The following SH2D1B variants were observed in gnomAD, a reference collection of about 807,000 sequenced individuals.
SH2D1B encodes SH2 domain-containing protein 1B.
Under a neutral mutation model 16.3 loss-of-function variants are expected in SH2D1B, and 11 were observed. The ratio of observed to expected loss-of-function variants is 0.67; its 90% confidence interval spans 0.42 to 1.11. The LOEUF (loss-of-function observed/expected upper bound fraction) is 1.11. Ranked by LOEUF, SH2D1B falls within the 50% of genes most tolerant of loss-of-function variation. The pLI is 0.00. For missense variants in SH2D1B, 123 were observed against 153.1 expected (o/e 0.80, Z 1.04); for synonymous variants, 55 against 56.1 (o/e 0.98, Z 0.09).
At chr1:162,400,444 C>T (rs1269115513) in intron 2 of SH2D1B, among the ~76,000 whole-genome samples, 3 of 144,426 alleles carry the variant, frequency 2.1e-5, no homozygotes, top group Non-Finnish European at 4.5e-5. Flanking sequence ...AGCACCATCA[C>T]CATACCTGGC....
Position 162,411,953 on chromosome 1 carries a change from C to T in SH2D1B, c.64G>A (p.Glu22Lys). The T allele has an allele frequency of 1.2e-6, 2 of 1,614,144 alleles. No homozygotes were observed. Among genetic ancestry groups the T allele is most frequent in the Non-Finnish European group, 8.5e-7 (1 of 1,180,026 alleles). The part of the protein sequence containing the change: ...KQDCETLLLK[E>K]GVDGNFLLRD... The stretch of plus-strand genomic sequence containing the variant: ...AAAAGAAAGTTGCCATCCACCCCTT[C>T]CTTGAGCAGCAAGGTCTCACAGTCT... The change falls in exon 1 of 4, where the codon GAA (glutamate) becomes AAA (lysine). Residue 22 changes from glutamate to lysine, a missense_variant. By Grantham distance (56) the Glu-to-Lys change is moderately conservative (BLOSUM62 1). Coordinates refer to ENST00000367929, the MANE Select transcript of SH2D1B (RefSeq NM_053282.5).
intron 1 of SH2D1B, among the ~76,000 whole-genome samples, chr1:162,404,344 T>A (rs541709062): frequency 1.6e-4 from 25 of 152,012 alleles, no homozygotes; most frequent in African/African-American, 5.1e-4. Flanking sequence ...TCAAAAAAAA[T>A]AAAATAAAAT....
chr1:162,402,653 A>C, intron 2 of SH2D1B, 86 bp downstream of exon 2: 1 of 1,114,116 alleles, frequency 9.0e-7, no homozygotes, highest in Non-Finnish European at 1.4e-6. Flanking sequence ...GCTTTCGCAC[A>C]GTCATGGCTC....
chr1:162,404,763 A>T (rs949049553), intron 1 of SH2D1B, among the ~76,000 whole-genome samples: 1 of 152,260 alleles, frequency 6.6e-6, no homozygotes, highest in African/African-American at 2.4e-5. Context: ...CTACACACTT[A>T]TTAATACAGT....
intron 2 of SH2D1B, among the ~76,000 whole-genome samples, chr1:162,401,564 C>A (rs1487643056): frequency 6.6e-6 from 1 of 151,986 alleles, no homozygotes; most frequent in Non-Finnish European, 1.5e-5. Context: ...GACATAATAT[C>A]CCTTTAAATA....
At chr1:162,403,944 GA>G (rs913403814) in intron 1 of SH2D1B, among the ~76,000 whole-genome samples, 5 of 152,256 alleles carry the variant, frequency 3.3e-5, no homozygotes, top group African/African-American at 9.6e-5. Flanking sequence ...TTGTCAGTGA[GA>G]GGGGGAGGAT....
rs1281724767 is a variant in SH2D1B, at chr1:162,411,912, C to T, written c.105G>A (p.Ser35=). The T allele has an allele frequency of 2.5e-6, 4 of 1,614,036 alleles. No individual in the cohort carries two copies. Among genetic ancestry groups the T allele is most frequent in the East Asian group, 2.2e-5 (1 of 44,900 alleles). The part of the protein sequence containing the change: ...DGNFLLRDSE[S]IPGVLCLCVS... ...CACAGAGGCACAGGACTCCTGGTAT[C>T]GACTCGCTGTCTCTTAAAAGAAAGT... Residue 35 remains serine, a synonymous_variant, in exon 1 of 4, where the codon TCG becomes TCA. Coordinates refer to ENST00000367929, the MANE Select transcript of SH2D1B (RefSeq NM_053282.5).
At chr1:162,408,306 G>C (rs1159485056) in intron 1 of SH2D1B, among the ~76,000 whole-genome samples, 1 of 152,114 alleles carries the variant, frequency 6.6e-6, no homozygotes, top group African/African-American at 2.4e-5. Flanking sequence ...TCAGTGACAT[G>C]TGTAGGGAGG....
chr1:162,400,933 A>T (rs1648504427), intron 2 of SH2D1B, among the ~76,000 whole-genome samples: 2 of 152,136 alleles, frequency 1.3e-5, no homozygotes, highest in Admixed American at 1.3e-4. Context: ...GGGTGACAGC[A>T]AGACTCTGTC....
chr1:162,408,090 C>G (rs982879169), intron 1 of SH2D1B, among the ~76,000 whole-genome samples: 3 of 152,190 alleles, frequency 2.0e-5, no homozygotes, highest in Non-Finnish European at 4.4e-5. Flanking sequence ...CCACTAGGCT[C>G]TGAGTTGTGT....
chr1:162,397,070 G>A lies in SH2D1B; in HGVS notation c.*210C>T. 1 of 564,474 alleles carries A rather than the reference G, an allele frequency of 1.8e-6. No individual in the cohort carries two copies. The highest frequency in any genetic ancestry group is 3.0e-5 in the East Asian group (1 of 33,678). 35.0% of individuals were successfully genotyped at this position (564,474 alleles called of 1,614,324 possible). On this transcript the variant is annotated 3_prime_UTR_variant, in exon 4 of 4. Coordinates refer to ENST00000367929, the MANE Select transcript of SH2D1B (RefSeq NM_053282.5). ...AGAAAGAAGAGTGAAACTGGAGAGG[G>A]TTTTGAAATTGCTCCTGGTATATGT...
At chr1:162,404,726 G>A (rs936536922) in intron 1 of SH2D1B, among the ~76,000 whole-genome samples, 11 of 152,174 alleles carry the variant, frequency 7.2e-5, no homozygotes, top group Admixed American at 3.9e-4. Context: ...TTAGTGAAAC[G>A]CAGATTCAAC....
chr1:162,403,382 G>A (rs1446995033), intron 1 of SH2D1B, among the ~76,000 whole-genome samples: 10 of 148,648 alleles, frequency 6.7e-5, no homozygotes, highest in African/African-American at 2.0e-4. Flanking sequence ...CCAGCTACTC[G>A]AGAGGCTGAG....
intron 1 of SH2D1B, among the ~76,000 whole-genome samples, chr1:162,404,794 G>T (rs553603691): frequency 2.6e-5 from 4 of 152,192 alleles, no homozygotes; most frequent in Admixed American, 2.0e-4. Flanking sequence ...AAGACTGACC[G>T]TTCCACATGT....
intron 3 of SH2D1B, among the ~76,000 whole-genome samples, chr1:162,397,991 C>T (rs1228335797): frequency 6.6e-6 from 1 of 152,208 alleles, no homozygotes; most frequent in African/African-American, 2.4e-5. Context: ...CATGAGTACA[C>T]ACTGCCCTTC....
At chr1:162,400,017 G>C (rs1278848186) in intron 2 of SH2D1B, among the ~76,000 whole-genome samples, 1 of 152,162 alleles carries the variant, frequency 6.6e-6, no homozygotes, top group South Asian at 2.1e-4. Flanking sequence ...CAGTTAGGCT[G>C]CTTAGTATTC....
Position 162,412,136 on chromosome 1 carries a change from T to C in SH2D1B, c.-120A>G, listed in dbSNP as rs1447919703. ...CCTCCTGTGGAGCTACCTCTTCCTC[T>C]AGCGGTCTGTGGGACTCAGCCAGCT... On this transcript the variant is annotated 5_prime_UTR_variant, in exon 1 of 4. Coordinates refer to ENST00000367929, the MANE Select transcript of SH2D1B (RefSeq NM_053282.5). 5.3e-6 allele frequency: 7 copies of C among 1,327,930 alleles called. No homozygotes were observed. Among genetic ancestry groups the C allele is most frequent in the Non-Finnish European group, 7.3e-6 (7 of 958,192 alleles). 82.3% of individuals were successfully genotyped at this position (1,327,930 alleles called of 1,614,324 possible).
intron 2 of SH2D1B, among the ~76,000 whole-genome samples, chr1:162,400,584 G>C (rs796346618): frequency 1.8e-4 from 27 of 151,320 alleles, no homozygotes; most frequent in African/African-American, 6.5e-4. Context: ...GATTACAGGC[G>C]GGAGCCACCA....
At chr1:162,401,630 A>T (rs1309075764) in intron 2 of SH2D1B, among the ~76,000 whole-genome samples, 1 of 152,178 alleles carries the variant, frequency 6.6e-6, no homozygotes, top group Non-Finnish European at 1.5e-5. Context: ...AATGATTAAA[A>T]TCAGGAAATT....
Sources: allele counts gnomAD v4.1 joint callset (sites outside exome capture counted in the v4.1 genomes callset), GRCh38; gene constraint gnomAD v4.1.1; transcripts MANE v1.5; gene names NCBI Gene and HGNC (gene_info 2026-07-23, HGNC 2026-07-21).